OR2L13: variants seen among roughly 807,000 people sequenced by gnomAD.
The protein encoded by OR2L13 is olfactory receptor family 2 subfamily L member 13.
In OR2L13, 14 loss-of-function variants were observed where a neutral mutation model predicts 15.3. The observed-to-expected ratio is 0.91, with a 90% CI of 0.60 to 1.43. OR2L13 has a LOEUF of 1.43. OR2L13 is among the 40% of genes most tolerant of loss of function. The pLI, the probability that OR2L13 is intolerant of heterozygous loss-of-function variation, is 0.00. For synonymous variants in OR2L13, 152 were observed against 142.9 expected, an observed-to-expected ratio of 1.06 and a Z score of -0.45; for missense variants, 367 against 387.9, an observed-to-expected ratio of 0.95 and a Z score of 0.45.
At chr1:248,057,145 T>A in the OR2L13 span, among the ~76,000 whole-genome samples, 1 of 152,182 alleles carries the variant, frequency 6.6e-6, no homozygotes, top group African/African-American at 2.4e-5. Flanking sequence ...TCTGTAGACA[T>A]CTATCAGGTC....
the OR2L13 span, among the ~76,000 whole-genome samples, chr1:248,016,522 C>T: frequency 0.046 from 7,033 of 151,950 alleles, 469 homozygotes; most frequent in African/African-American, 0.15. Context: ...TAATCTTATT[C>T]GTGATATAAA....
the OR2L13 span, chr1:248,084,657 T>G: frequency 5.1e-5 from 77 of 1,523,360 alleles, no homozygotes; most frequent in African/African-American, 9.5e-4. Context: ...TTTTATCATC[T>G]GAATAACGAG....
At chr1:248,099,360 A>G in exon 3 of OR2L13, 1 of 1,548,100 alleles carries the variant, frequency 6.5e-7, no homozygotes, top group Non-Finnish European at 8.9e-7. Context: ...TTCAACAGTT[A>G]CAGCAGAAAG....
the OR2L13 span, among the ~76,000 whole-genome samples, chr1:247,946,857 C>G: frequency 1.9e-4 from 29 of 150,704 alleles, no homozygotes; most frequent in African/African-American, 6.3e-4. Context: ...TGCTGCAATA[C>G]AAAAAAAAAC....
the OR2L13 span, among the ~76,000 whole-genome samples, chr1:247,970,957 TTTG>T: frequency 6.6e-6 from 1 of 152,176 alleles, no homozygotes; most frequent in Non-Finnish European, 1.5e-5. Flanking sequence ...AATATTCCAA[TTTG>T]TTGTTTGGGA....
At chr1:248,044,714 A>G in the OR2L13 span, among the ~76,000 whole-genome samples, 2 of 113,232 alleles carry the variant, frequency 1.8e-5, 1 homozygote, top group African/African-American at 1.3e-4. Flanking sequence ...GAGGCAGGAG[A>G]ATGGCGTGAA....
At chr1:248,004,389 CTAT>C in the OR2L13 span, among the ~76,000 whole-genome samples, 1 of 152,084 alleles carries the variant, frequency 6.6e-6, no homozygotes, top group Non-Finnish European at 1.5e-5. Context: ...TATAACAATT[CTAT>C]TATTGTCAAT....
At chr1:247,966,119 C>G in the OR2L13 span, 2 of 1,614,156 alleles carry the variant, frequency 1.2e-6, no homozygotes, top group Non-Finnish European at 1.7e-6. Context: ...CTGATTGTGG[C>G]AAGCCTGTTC....
the OR2L13 span, among the ~76,000 whole-genome samples, chr1:248,011,679 C>A: frequency 5.3e-5 from 8 of 152,234 alleles, no homozygotes; most frequent in South Asian, 1.0e-3. Context: ...ATTTTCTTAG[C>A]AAATTTTCAA....
the OR2L13 span, among the ~76,000 whole-genome samples, chr1:248,047,292 A>T: frequency 6.6e-6 from 1 of 152,268 alleles, no homozygotes; most frequent in Non-Finnish European, 1.5e-5. Context: ...GAGTGATTAT[A>T]TGATGCTCAT....
At chr1:248,033,240 T>C in the OR2L13 span, among the ~76,000 whole-genome samples, 1 of 152,306 alleles carries the variant, frequency 6.6e-6, no homozygotes, top group Non-Finnish European at 1.5e-5. Context: ...TGATTTATTT[T>C]GACTTAATTT....
At chr1:248,037,297 T>C in the OR2L13 span, among the ~76,000 whole-genome samples, 4 of 152,292 alleles carry the variant, frequency 2.6e-5, no homozygotes, top group East Asian at 7.7e-4. Context: ...AAATGAATCA[T>C]AGGCTGCTGC....
chr1:247,991,187 T>A, the OR2L13 span: 35 of 1,596,554 alleles, frequency 2.2e-5, no homozygotes, highest in African/African-American at 5.4e-5. Flanking sequence ...ATTCAGAAAA[T>A]CTTTTCAGTG....
the OR2L13 span, among the ~76,000 whole-genome samples, chr1:248,065,591 C>A: frequency 3.0e-5 from 4 of 134,362 alleles, no homozygotes; most frequent in Admixed American, 7.6e-5. Flanking sequence ...CCCCTCCCCC[C>A]ACCCCACCAC....
the OR2L13 span, among the ~76,000 whole-genome samples, chr1:248,005,080 T>G: frequency 3.6e-3 from 548 of 152,208 alleles, 4 homozygotes; most frequent in Non-Finnish European, 6.1e-3. Flanking sequence ...TAATTAGATA[T>G]AATGAATAAG....
the OR2L13 span, among the ~76,000 whole-genome samples, chr1:248,065,976 T>C: frequency 1.3e-5 from 2 of 152,148 alleles, no homozygotes; most frequent in African/African-American, 4.8e-5. Flanking sequence ...TGTATCAGAA[T>C]AGAAAATAGC....
At chr1:247,983,893 G>A in the OR2L13 span, among the ~76,000 whole-genome samples, 24 of 152,200 alleles carry the variant, frequency 1.6e-4, no homozygotes, top group African/African-American at 3.4e-4. Context: ...CCCTTTCGGG[G>A]CAGTAGGCAG....
the OR2L13 span, chr1:247,949,723 A>G: frequency 6.2e-7 from 1 of 1,613,758 alleles, no homozygotes; most frequent in African/African-American, 1.3e-5. Flanking sequence ...CCCATCATCT[A>G]TAGCCTGAGG....
the OR2L13 span, among the ~76,000 whole-genome samples, chr1:248,075,177 C>T: frequency 6.6e-6 from 1 of 152,192 alleles, no homozygotes; most frequent in Non-Finnish European, 1.5e-5. Context: ...CCAGCTTCAT[C>T]CATGTCCCTG....
Sources: gnomAD v4.1 joint callset for allele counts (sites outside exome capture counted in the v4.1 genomes callset) on GRCh38, gnomAD v4.1.1 for gene constraint, MANE v1.5 for transcripts, NCBI Gene and HGNC (gene_info 2026-07-23, HGNC 2026-07-21) for gene names.